UTY: variants seen among roughly 807,000 people sequenced by gnomAD.
The protein encoded by UTY is histone demethylase UTY.
A neutral mutation model predicts 32.5 loss-of-function variants in UTY; 12 were observed. The ratio of observed to expected loss-of-function variants is 0.37; its 90% CI spans 0.24 to 0.60. The LOEUF (loss-of-function observed/expected upper bound fraction) is 0.60, where lower values mean the gene tolerates loss of function less well. Among genes scored for constraint, UTY ranks in the 20% least tolerant of loss-of-function variants. UTY has a pLI of 0.69. For synonymous variants in UTY, 131 were observed against 103.4 expected (o/e 1.27, Z -1.62); for missense variants, 303 against 299.2 (o/e 1.01, Z -0.09).
At chrY:13,312,547 G>T in intron 21 of UTY, among the ~76,000 whole-genome samples, 1 of 32,131 alleles carries the variant, frequency 3.1e-5, no homozygotes, top group Non-Finnish European at 7.6e-5. Context: ...GTCATCTGGG[G>T]TTGGGAGTTT....
intron 27 of UTY, among the ~76,000 whole-genome samples, chrY:13,272,733 C>T (rs752103445): frequency 3.0e-5 from 1 of 33,102 alleles, no homozygotes; most frequent in South Asian, 6.7e-4. Context: ...TTTAAATTTC[C>T]GAAAATTAAT....
At chrY:13,458,276 C>T in intron 3 of UTY, among the ~76,000 whole-genome samples, 1 of 32,780 alleles carries the variant, frequency 3.1e-5, no homozygotes, top group Non-Finnish European at 7.5e-5. Flanking sequence ...TGGGTATATA[C>T]CCAGTAATGG....
chrY:13,421,305 T>C (rs2072496319), intron 4 of UTY, among the ~76,000 whole-genome samples: 2 of 33,604 alleles, frequency 6.0e-5, no homozygotes, highest in African/African-American at 1.2e-4. Flanking sequence ...TCAACCATTG[T>C]GGAAAGCAGT....
chrY:13,336,202 G>C lies in UTY; in HGVS notation c.2195C>G (p.Pro732Arg), dbSNP rs1309358213. 5.0e-6 allele frequency: 2 copies of C among 398,598 alleles called. No homozygotes were observed. The highest frequency in any genetic ancestry group is 1.5e-4 in the Admixed American group (2 of 13,432). ...IKKANEHLTL[P>R]SNSVPQGDAD... ...ATCCCCCTGTGGTACTGAATTACTA[G>C]GCAGAGTGAGATGTTCATTCGCCTT... Residue 732 changes from proline (P) to arginine (R), a missense_variant, in exon 18 of 30, where the codon CCT (proline) becomes CGT (arginine). Physicochemically the swap from Pro to Arg is moderately radical, Grantham distance 103. Coordinates refer to ENST00000545955, the MANE Select transcript of UTY (RefSeq NM_001258249.2).
intron 28 of UTY, among the ~76,000 whole-genome samples, chrY:13,258,153 C>T (rs1029753183): frequency 2.0e-4 from 7 of 34,221 alleles, no homozygotes; most frequent in African/African-American, 8.0e-4. Context: ...CCCCCAAAAA[C>T]TTATTTGTAA....
intron 23 of UTY, 107 bp downstream of exon 23, chrY:13,305,931 A>G: frequency 4.5e-6 from 1 of 223,109 alleles, no homozygotes. Flanking sequence ...ACAAAGAGAG[A>G]GAGATAATTA....
intron 4 of UTY, among the ~76,000 whole-genome samples, chrY:13,438,646 C>T (rs2074903068): frequency 5.9e-5 from 2 of 33,898 alleles, no homozygotes; most frequent in Non-Finnish European, 1.5e-4. Context: ...CAAAAGAATT[C>T]CCATCACATT....
chrY:13,345,981 A>G, intron 17 of UTY, among the ~76,000 whole-genome samples: 1 of 33,432 alleles, frequency 3.0e-5, no homozygotes, highest in Non-Finnish European at 7.4e-5. Context: ...CAAGCTTCAC[A>G]TCTCAGTAAA....
At chrY:13,466,651 T>C (rs767871724) in intron 3 of UTY, among the ~76,000 whole-genome samples, 1 of 33,528 alleles carries the variant, frequency 3.0e-5, no homozygotes, top group East Asian at 7.7e-4. Context: ...GGAGTAATAG[T>C]AAATGTACAG....
intron 27 of UTY, chrY:13,286,517 T>C: frequency 4.5e-6 from 1 of 223,577 alleles, no homozygotes; most frequent in South Asian, 4.5e-5. Context: ...ATAGCTAGGA[T>C]AGAAAAAAGA....
chrY:13,250,023 C>CT (rs2054022232), intron 29 of UTY, 141 bp from the exon 30 acceptor site: 2 of 67,277 alleles, frequency 3.0e-5, no homozygotes, highest in African/African-American at 1.1e-4. Context: ...ATGCTCTTTT[C>CT]TTTTTTTTCT....
chrY:13,371,130 C>G (rs1053228114), intron 8 of UTY, among the ~76,000 whole-genome samples: 1 of 32,369 alleles, frequency 3.1e-5, no homozygotes, highest in Non-Finnish European at 7.5e-5. Context: ...GTAAGAAAGG[C>G]CATATGTGAT....
chrY:13,428,703 T>A, intron 4 of UTY, among the ~76,000 whole-genome samples: 2 of 33,870 alleles, frequency 5.9e-5, no homozygotes, highest in Non-Finnish European at 1.5e-4. Flanking sequence ...ATTTTAAGAC[T>A]GTTTCTCATT....
intron 8 of UTY, among the ~76,000 whole-genome samples, chrY:13,383,733 T>C (rs2066417085): frequency 3.0e-5 from 1 of 32,955 alleles, no homozygotes; most frequent in Non-Finnish European, 7.5e-5. Context: ...AACAAGTCAA[T>C]GAAACCAAAC....
downstream of UTY, among the ~76,000 whole-genome samples, chrY:13,243,751 A>G (rs2053925628): frequency 3.1e-5 from 1 of 32,687 alleles, no homozygotes; most frequent in African/African-American, 1.2e-4. Flanking sequence ...TAATGAGATT[A>G]AAAAAAAATC....
At chrY:13,254,844 G>C (rs572037573) in intron 28 of UTY, among the ~76,000 whole-genome samples, 2 of 33,712 alleles carry the variant, frequency 5.9e-5, no homozygotes, top group South Asian at 1.3e-3. Flanking sequence ...TCCTGATTGT[G>C]CCATATGTGG....
At chrY:13,465,602 CAT>C (rs2077835300) in intron 3 of UTY, among the ~76,000 whole-genome samples, 1 of 33,464 alleles carries the variant, frequency 3.0e-5, no homozygotes, top group Non-Finnish European at 7.4e-5. Flanking sequence ...CACACACACA[CAT>C]ATACTGAGTC....
chrY:13,444,044 G>C (rs1055792256), intron 4 of UTY, among the ~76,000 whole-genome samples: 8 of 33,733 alleles, frequency 2.4e-4, no homozygotes, highest in Non-Finnish European at 5.9e-4. Flanking sequence ...GGGAGGCCAA[G>C]GTGGGTGGAC....
downstream of UTY, among the ~76,000 whole-genome samples, chrY:13,247,873 C>T (rs1569402843): frequency 2.7e-4 from 9 of 32,992 alleles, no homozygotes; most frequent in African/African-American, 9.5e-4. Context: ...ACAAAACAAC[C>T]GGTTAAGAAA....
Sources: allele counts gnomAD v4.1 joint callset (sites outside exome capture counted in the v4.1 genomes callset), GRCh38; gene constraint gnomAD v4.1.1; transcripts MANE v1.5; gene names NCBI Gene and HGNC (gene_info 2026-07-23, HGNC 2026-07-21).